Variants in RESF1 observed in about 807,000 individuals in gnomAD.
RESF1 encodes the protein gonad expressed transcript.
Under a neutral mutation model 134.7 loss-of-function variants are expected in RESF1, and 65 were observed. That is an observed-to-expected ratio of 0.48 (90% CI 0.40 to 0.59). The LOEUF is 0.59. Ranked by LOEUF, RESF1 falls within the 20% of genes least tolerant of loss-of-function variation. RESF1 has a pLI of 0.00. For synonymous variants in RESF1, 762 were observed against 702.2 expected (o/e 1.09, Z -1.35); for missense variants, 2,274 against 2,002.7 (o/e 1.14, Z -2.59).
intron 3 of RESF1, among the ~76,000 whole-genome samples, chr12:31,971,475 TAC>T (rs199505814): frequency 0.022 from 3,350 of 152,314 alleles, 134 homozygotes; most frequent in African/African-American, 0.076. Context: ...ATTTGTGTGA[TAC>T]TTTTTCATCA....
chr12:31,982,497 A>G lies in RESF1; in HGVS notation c.1542A>G (p.Pro514=), dbSNP rs1180874202. The G allele has an allele frequency of 1.2e-6, 2 of 1,613,570 alleles. No homozygotes were observed. Among genetic ancestry groups the G allele is most frequent in the East Asian group, 4.5e-5 (2 of 44,888 alleles). ...LPNPVYSEKR[P]MPDSSHDVKV... Reference sequence around the variant, plus strand: ...ATCCTGTCTATTCTGAAAAGCGGCCAATGCCAGACTCATCTCATGATGTGA... The same window carrying G: ...ATCCTGTCTATTCTGAAAAGCGGCCGATGCCAGACTCATCTCATGATGTGA... The change falls in exon 4 of 6, where the codon CCA becomes CCG. Residue 514 remains proline (P), a synonymous_variant. Coordinates refer to ENST00000312561, the MANE Select transcript of RESF1 (RefSeq NM_018169.4).
intron 2 of RESF1, among the ~76,000 whole-genome samples, chr12:31,968,100 T>G (rs1173062944): frequency 1.3e-5 from 2 of 152,188 alleles, no homozygotes; most frequent in Admixed American, 1.3e-4. Context: ...GTATCTCTAA[T>G]TTTTCGAATG....
chr12:31,963,684 C>T (rs1001562745), intron 2 of RESF1, among the ~76,000 whole-genome samples: 4 of 152,124 alleles, frequency 2.6e-5, no homozygotes, highest in African/African-American at 9.7e-5. Context: ...ATTTTATTAC[C>T]CCCAAAATAT....
In RESF1 at chr12:31,985,132, G is replaced by C. The variant is rs944624217; in HGVS notation, c.4177G>C (p.Asp1393His). The C allele has an allele frequency of 2.6e-6, 4 of 1,547,998 alleles. No individual in the cohort carries two copies. The highest frequency in any genetic ancestry group is 1.4e-5 in the African/African-American group (1 of 71,934). ...TATGGAAGTAAAGAAAAAGAAACAT[G>C]ATAAACAAGAACAGAAAGGAAGTGT... ...LDMEVKKKKHDKQEQKGSVGA... is the reference protein window; with the variant it reads ...LDMEVKKKKHHKQEQKGSVGA... The change falls in exon 4 of 6, where the codon GAT (aspartate) becomes CAT (histidine). Residue 1393 changes from aspartate to histidine, a missense_variant. Transcript: ENST00000312561.
chr12:31,975,188 T>C (rs1965195), intron 3 of RESF1, among the ~76,000 whole-genome samples: 39,476 of 151,616 alleles, frequency 0.26, 5,356 homozygotes, highest in African/African-American at 0.33. Context: ...GCAGGAGAAT[T>C]GCTTGAACCC....
rs572008129 is a variant in RESF1 at position 31,985,036 on chromosome 12, A to C, written c.4081A>C (p.Lys1361Gln). 22 of 1,586,150 alleles carry C rather than the reference A, an allele frequency of 1.4e-5. No individual in the cohort carries two copies. Among genetic ancestry groups the C allele is most frequent in the East Asian group, 1.1e-4 (5 of 44,720 alleles). Residue 1361 changes from lysine to glutamine, a missense_variant, in exon 4 of 6, where the codon AAG (lysine) becomes CAG (glutamine). Physicochemically the swap from Lys to Gln is moderately conservative, Grantham distance 53. Transcript: ENST00000312561. ...SSLGQSLSPEKIKLKLKSVSF... is the reference protein window; with the variant it reads ...SSLGQSLSPEQIKLKLKSVSF... ...TTTGGGACAGTCATTATCACCAGAA[A>C]AGATAAAATTGAAACTCAAATCAGT...
chr12:31,965,914 A>G (rs1372262214), intron 2 of RESF1, among the ~76,000 whole-genome samples: 1 of 148,188 alleles, frequency 6.7e-6, no homozygotes, highest in Non-Finnish European at 1.5e-5. Context: ...AAAAGAAGTG[A>G]TACTTCGAAT....
intron 2 of RESF1, among the ~76,000 whole-genome samples, chr12:31,964,720 A>G (rs1317333448): frequency 6.6e-6 from 1 of 152,188 alleles, no homozygotes; most frequent in Non-Finnish European, 1.5e-5. Flanking sequence ...TAGTCATGTT[A>G]AGCATCTTTT....
chr12:31,976,070 C>T (rs1400788802), intron 3 of RESF1, among the ~76,000 whole-genome samples: 2 of 152,104 alleles, frequency 1.3e-5, no homozygotes, highest in Non-Finnish European at 2.9e-5. Flanking sequence ...TCCATTTGTT[C>T]CATTTTCTTG....
At chr12:31,979,007 G>A (rs1939706542) in intron 3 of RESF1, among the ~76,000 whole-genome samples, 1 of 146,464 alleles carries the variant, frequency 6.8e-6, no homozygotes, top group African/African-American at 2.5e-5. Flanking sequence ...TGCAAGCTCC[G>A]CCTACCGGGT....
At chr12:31,972,254 G>A (rs1192679954) in intron 3 of RESF1, among the ~76,000 whole-genome samples, 2 of 152,224 alleles carry the variant, frequency 1.3e-5, no homozygotes, top group African/African-American at 4.8e-5. Context: ...CCAGTTTACA[G>A]CTGGTCGGTC....
chr12:31,963,092 G>A (rs1224038889), intron 2 of RESF1, among the ~76,000 whole-genome samples: 2 of 152,080 alleles, frequency 1.3e-5, no homozygotes, highest in African/African-American at 2.4e-5. Flanking sequence ...TGGGCTGGTC[G>A]CAGTGGCTCA....
chr12:31,973,096 G>A (rs1044820007), intron 3 of RESF1, among the ~76,000 whole-genome samples: 60 of 152,196 alleles, frequency 3.9e-4, no homozygotes, highest in African/African-American at 1.3e-3. Context: ...CAGTGATGGA[G>A]GCTGGCAGAG....
At chr12:31,974,324 G>A (rs942946131) in intron 3 of RESF1, among the ~76,000 whole-genome samples, 1 of 152,066 alleles carries the variant, frequency 6.6e-6, no homozygotes, top group Non-Finnish European at 1.5e-5. Flanking sequence ...GGTGCCCCGT[G>A]TCTGGAATCA....
At position 31,992,599 on chromosome 12, in the gene RESF1, C is replaced by T. The variant is rs1176610361; in HGVS notation, c.*64C>T. On this transcript the variant is annotated 3_prime_UTR_variant, in exon 6 of 6. Coordinates refer to ENST00000312561, the MANE Select transcript of RESF1 (RefSeq NM_018169.4). ...CTTTCCTTTTCTGTTCAAAATATTT[C>T]GCTGAAACTAATGAGAAATGCCATG... 1.5e-5 allele frequency: 22 copies of T among 1,442,832 alleles called. No individual in the cohort carries two copies. In the Admixed American group the frequency reaches 1.9e-4, roughly 12 times the overall value. 89.4% of individuals were successfully genotyped at this position (1,442,832 alleles called of 1,614,324 possible). A position where few individuals can be genotyped will look rare whatever the true frequency, so the allele number is the denominator to read the frequency against.
intron 2 of RESF1, among the ~76,000 whole-genome samples, chr12:31,961,831 C>T (rs902884789): frequency 3.3e-5 from 5 of 152,174 alleles, no homozygotes; most frequent in Admixed American, 3.3e-4. Context: ...TACATTATCT[C>T]TGTGATTGTA....
chr12:31,970,485 C>T (rs993748495), intron 3 of RESF1, 129 bp downstream of exon 3: 2 of 152,150 alleles, frequency 1.3e-5, no homozygotes, highest in Non-Finnish European at 2.9e-5. Flanking sequence ...TGAAGTCTTC[C>T]ACTCTTATTG....
At chr12:31,992,348 TA>T in intron 5 of RESF1, 29 bp from the exon 6 acceptor site, 1 of 1,555,996 alleles carries the variant, frequency 6.4e-7, no homozygotes, top group Non-Finnish European at 8.8e-7. Context: ...CATTGAGAAA[TA>T]AAGTAAGTAA....
rs964391448 is a variant in RESF1, at chr12:31,981,984, T to C, written c.1029T>C (p.Asn343=). The part of the protein sequence containing the change: ...TIGNFTNLKV[N]TNSKQPFNSP... Reference sequence around the variant, plus strand: ...GAAATTTCACTAACTTGAAAGTAAATACCAACAGCAAACAGCCTTTTAACA... The same window carrying C: ...GAAATTTCACTAACTTGAAAGTAAACACCAACAGCAAACAGCCTTTTAACA... Residue 343 remains asparagine (N), a synonymous_variant, in exon 4 of 6, where the codon AAT becomes AAC. Transcript: ENST00000312561. 2.5e-6 allele frequency: 4 copies of C among 1,614,128 alleles called. No individual in the cohort carries two copies. Among genetic ancestry groups the C allele is most frequent in the Non-Finnish European group, 3.4e-6 (4 of 1,180,012 alleles).
Sources: allele counts gnomAD v4.1 joint callset (sites outside exome capture counted in the v4.1 genomes callset), GRCh38; gene constraint gnomAD v4.1.1; transcripts MANE v1.5; gene names NCBI Gene and HGNC (gene_info 2026-07-23, HGNC 2026-07-21).